KCNC2: variants seen among roughly 807,000 people sequenced by gnomAD.
KCNC2 encodes the protein potassium voltage-gated channel subfamily C member 2, also known as voltage-gated potassium channel KCNC2.
A neutral mutation model predicts 44.5 loss-of-function variants in KCNC2; 21 were observed. That is an observed-to-expected ratio of 0.47 (90% CI 0.33 to 0.68). The LOEUF (loss-of-function observed/expected upper bound fraction) is 0.68, where lower values mean the gene tolerates loss of function less well. Among genes scored for constraint, KCNC2 ranks in the 30% least tolerant of loss-of-function variants. The pLI is 0.01. For synonymous variants in KCNC2, 391 were observed against 339.1 expected, an observed-to-expected ratio of 1.15 and a Z score of -1.68; for missense variants, 589 against 826.2, an observed-to-expected ratio of 0.71 and a Z score of 3.52.
intron 2 of KCNC2, among the ~76,000 whole-genome samples, chr12:75,108,750 T>G (rs748295117): frequency 5.3e-5 from 8 of 152,196 alleles, no homozygotes; most frequent in Non-Finnish European, 1.2e-4. Context: ...GAATCCCGTG[T>G]GGTAGTTTCA....
intron 2 of KCNC2, among the ~76,000 whole-genome samples, chr12:75,123,482 CA>C (rs1888185122): frequency 6.6e-6 from 1 of 152,216 alleles, no homozygotes; most frequent in Admixed American, 6.5e-5. Flanking sequence ...TAGAACTGAA[CA>C]GGCAGTTTCT....
chr12:75,204,984 G>A (rs2031573919), intron 2 of KCNC2, among the ~76,000 whole-genome samples: 1 of 152,110 alleles, frequency 6.6e-6, no homozygotes, highest in Non-Finnish European at 1.5e-5. Context: ...CTACTGTTGG[G>A]TGGTAAAGGG....
intron 2 of KCNC2, among the ~76,000 whole-genome samples, chr12:75,108,245 T>C (rs943083570): frequency 4.6e-5 from 7 of 152,228 alleles, no homozygotes; most frequent in African/African-American, 1.7e-4. Flanking sequence ...GTAATGGATA[T>C]GCACTATACT....
intron 2 of KCNC2, among the ~76,000 whole-genome samples, chr12:75,117,199 T>C (rs1173735112): frequency 6.6e-6 from 1 of 152,198 alleles, no homozygotes; most frequent in Non-Finnish European, 1.5e-5. Flanking sequence ...GGCTTACTGT[T>C]TTTTATGCTT....
chr12:75,067,674 T>C (rs760563166), intron 2 of KCNC2, among the ~76,000 whole-genome samples: 3 of 152,222 alleles, frequency 2.0e-5, no homozygotes, highest in African/African-American at 4.8e-5. Context: ...TTTTACCCTT[T>C]AACTACCTGC....
intron 2 of KCNC2, among the ~76,000 whole-genome samples, chr12:75,175,841 T>G (rs1892147536): frequency 6.6e-6 from 1 of 152,120 alleles, no homozygotes; most frequent in Non-Finnish European, 1.5e-5. Context: ...AATAATAGTT[T>G]AAGAACAGGG....
chr12:75,065,660 G>T (rs1356629633), intron 2 of KCNC2, among the ~76,000 whole-genome samples: 1 of 151,994 alleles, frequency 6.6e-6, no homozygotes, highest in East Asian at 1.9e-4. Flanking sequence ...AGCTTAAAAG[G>T]ATTAGGCTAG....
At chr12:75,208,693 C>G (rs2031912646) in intron 1 of KCNC2, among the ~76,000 whole-genome samples, 1 of 151,470 alleles carries the variant, frequency 6.6e-6, no homozygotes, top group Non-Finnish European at 1.5e-5. Context: ...AGGATCACCT[C>G]TACACCTGCT....
intron 2 of KCNC2, among the ~76,000 whole-genome samples, chr12:75,142,800 C>T (rs1447161863): frequency 6.6e-6 from 1 of 152,158 alleles, no homozygotes; most frequent in Non-Finnish European, 1.5e-5. Flanking sequence ...TACATTAAAG[C>T]TAGGTTGTCT....
At chr12:75,131,289 G>C (rs1444626787) in intron 2 of KCNC2, among the ~76,000 whole-genome samples, 2 of 152,076 alleles carry the variant, frequency 1.3e-5, no homozygotes, top group Non-Finnish European at 2.9e-5. Context: ...ATTTATGATA[G>C]ATCTTATTCT....
At chr12:75,090,637 C>G (rs1357045527) in intron 2 of KCNC2, among the ~76,000 whole-genome samples, 5 of 151,672 alleles carry the variant, frequency 3.3e-5, no homozygotes, top group African/African-American at 1.2e-4. Flanking sequence ...GAAGCCTTTT[C>G]CAAATACCTG....
intron 2 of KCNC2, among the ~76,000 whole-genome samples, chr12:75,137,711 C>CA (rs1408437649): frequency 2.6e-5 from 4 of 151,970 alleles, no homozygotes; most frequent in Admixed American, 6.6e-5. Flanking sequence ...ACCTTTAAAA[C>CA]AAAAAAATTA....
intron 2 of KCNC2, among the ~76,000 whole-genome samples, chr12:75,087,528 T>C (rs1247112599): frequency 1.3e-5 from 2 of 152,106 alleles, no homozygotes; most frequent in African/African-American, 2.4e-5. Flanking sequence ...CTGATTAATC[T>C]TTCTCAGTGT....
chr12:75,151,542 A>G (rs1267884238), intron 2 of KCNC2, among the ~76,000 whole-genome samples: 1 of 151,980 alleles, frequency 6.6e-6, no homozygotes, highest in Non-Finnish European at 1.5e-5. Flanking sequence ...CAACCTGAAT[A>G]AAAACCAAGT....
chr12:75,076,704 G>T (rs961893126), intron 2 of KCNC2, among the ~76,000 whole-genome samples: 1 of 152,040 alleles, frequency 6.6e-6, no homozygotes, highest in Non-Finnish European at 1.5e-5. Flanking sequence ...TTCTTGATAC[G>T]TATTTATTTC....
chr12:75,117,705 A>T (rs981658634), intron 2 of KCNC2, among the ~76,000 whole-genome samples: 5 of 152,060 alleles, frequency 3.3e-5, no homozygotes, highest in Admixed American at 2.0e-4. Flanking sequence ...TATATTACAC[A>T]TATTTATTCT....
rs116063452 is a variant in KCNC2, at chr12:75,064,255, A to C, written c.688-12938T>G. Among the ~76,000 whole-genome samples the C allele has an allele frequency of 1.2e-3, 179 of 152,166 alleles. 2 individuals carry two copies. The highest frequency in any genetic ancestry group is 4.1e-3 in the African/African-American group (172 of 41,560). ...CCTTGCTACACTACTCTAAGTTGCT[A>C]TAAAATATTATTATAATCTCTCTTA... is the stretch of plus-strand genomic sequence containing the variant. On this transcript the variant is annotated intron_variant, in intron 2 of 4. Coordinates refer to ENST00000549446, the MANE Select transcript of KCNC2 (RefSeq NM_139137.4).
intron 4 of KCNC2, chr12:75,044,930 G>A (rs1323409865): frequency 6.6e-6 from 1 of 151,918 alleles, no homozygotes; most frequent in East Asian, 1.9e-4. Flanking sequence ...AATAGTGGGA[G>A]GATATCTGGA....
chr12:75,184,526 T>C (rs1358478079), intron 2 of KCNC2, among the ~76,000 whole-genome samples: 1 of 152,190 alleles, frequency 6.6e-6, no homozygotes, highest in Non-Finnish European at 1.5e-5. Context: ...ACATCTCCCT[T>C]TTCAGCAAGG....
Sources: allele counts gnomAD v4.1 joint callset (sites outside exome capture counted in the v4.1 genomes callset), GRCh38; gene constraint gnomAD v4.1.1; transcripts MANE v1.5; gene names NCBI Gene and HGNC (gene_info 2026-07-23, HGNC 2026-07-21).